Variants in ASH2L observed in about 807,000 individuals in gnomAD.
The protein encoded by ASH2L is ASH2 like, histone lysine methyltransferase complex subunit.
Under a neutral mutation model 81.1 loss-of-function variants are expected in ASH2L, and 30 were observed. The observed-to-expected ratio is 0.37, with a 90% confidence interval of 0.28 to 0.50. The LOEUF (loss-of-function observed/expected upper bound fraction) is 0.50, where lower values mean the gene tolerates loss of function less well. Ranked by LOEUF, ASH2L falls within the 20% of genes least tolerant of loss-of-function variation. ASH2L has a pLI of 0.95. For synonymous variants in ASH2L, 273 were observed against 279.9 expected (o/e 0.98, Z 0.24); for missense variants, 559 against 792.1 (o/e 0.71, Z 3.53).
Position 38,128,763 on chromosome 8 carries a change from C to T in ASH2L, c.1339C>T (p.Leu447Phe), listed in dbSNP as rs1480370548. 1 of 1,610,462 alleles carries T rather than the reference C, an allele frequency of 6.2e-7. No homozygotes were observed. The highest frequency in any genetic ancestry group is 8.5e-7 in the Non-Finnish European group (1 of 1,179,340). Residue 447 changes from leucine to phenylalanine, a missense_variant, in exon 12 of 16, where the codon CTT becomes TTT. By Grantham distance (22) the Leu-to-Phe change is conservative. This residue lies in a region of ASH2L where 318 missense variants were observed against 527.0 expected (regional missense o/e 0.60). Transcript: ENST00000343823. Reference sequence around the variant, plus strand: ...GTATGTTTTTATTGGGACAGGAAACCTTCAAGCTCCTTTAGGTTATGATAA... The same window carrying T: ...GTATGTTTTTATTGGGACAGGAAACTTTCAAGCTCCTTTAGGTTATGATAA... ...RLGWSQPLGN[L>F]QAPLGYDKFS...
intron 5 of ASH2L, among the ~76,000 whole-genome samples, chr8:38,113,504 A>C (rs1473929328): frequency 6.6e-6 from 1 of 152,112 alleles, no homozygotes; most frequent in Non-Finnish European, 1.5e-5. Context: ...AGATTATCTA[A>C]ATAGGAGGCC....
chr8:38,138,824 T>A lies in ASH2L; in HGVS notation c.1728T>A (p.Ile576=), dbSNP rs200401111. Residue 576 remains isoleucine, a synonymous_variant, in exon 15 of 16, where the codon ATT becomes ATA. Coordinates refer to ENST00000343823, the MANE Select transcript of ASH2L (RefSeq NM_004674.5). ...AATTGAATTCGCTCCAGGTTTCCAT[T>A]AACTTTGGACCATGCTTCAAGTATC... ...ISLYKSCTVS[I]NFGPCFKYPP... The A allele has an allele frequency of 1.5e-5, 24 of 1,613,996 alleles. No homozygotes were observed. The East Asian group carries it at 4.9e-4, about 33-fold the overall frequency.
Position 38,137,100 on chromosome 8 carries a change from A to G in ASH2L, c.1719+1334A>G, listed in dbSNP as rs1039193438. Among the ~76,000 whole-genome samples, 4 of 151,560 alleles carry G rather than the reference A, an allele frequency of 2.6e-5. No homozygotes were observed. The East Asian group carries it at 5.9e-4, about 22-fold the overall frequency. On this transcript the variant is annotated intron_variant, in intron 14 of 15. Transcript: ENST00000343823. Reference sequence around the variant, plus strand: ...AGAGTGAGACTCCGTCTCAAAAAAAAAAAAAGGGCGGGGGTGGCGCTGGGC... The same window carrying G: ...AGAGTGAGACTCCGTCTCAAAAAAAGAAAAAGGGCGGGGGTGGCGCTGGGC...
At position 38,121,136 on chromosome 8, in the gene ASH2L, C is replaced by A. The variant is rs772079019; in HGVS notation, c.1152C>A (p.Ala384=). The A allele has an allele frequency of 1.6e-5, 26 of 1,612,994 alleles. No individual in the cohort carries two copies. The South Asian group carries it at 2.7e-4, about 17-fold the overall frequency. The change falls in exon 10 of 16, where the codon GCC becomes GCA. Residue 384 remains alanine, a synonymous_variant. Coordinates refer to ENST00000343823, the MANE Select transcript of ASH2L (RefSeq NM_004674.5). ...RACLYERVLL[A]LHDRAPQLKI... is the part of the protein sequence containing the mutation. ...GCTTGTATGAACGGGTTTTGTTAGC[C>A]CTACATGATCGAGGTATGTAAAGTA...
intron 10 of ASH2L, among the ~76,000 whole-genome samples, chr8:38,121,493 T>C (rs1811151334): frequency 6.6e-6 from 1 of 151,728 alleles, no homozygotes; most frequent in Non-Finnish European, 1.5e-5. Context: ...AAAACCATAG[T>C]ACAGTTATCA....
chr8:38,131,647 AAAAT>A (rs879528190), intron 12 of ASH2L, among the ~76,000 whole-genome samples: 63 of 152,296 alleles, frequency 4.1e-4, no homozygotes, highest in Middle Eastern at 3.4e-3. Flanking sequence ...GACTGTCTCA[AAAAT>A]AAATAAATAA....
At chr8:38,135,788 A>G (rs780720788) in intron 14 of ASH2L, 22 bp downstream of exon 14, 6 of 1,557,678 alleles carry the variant, frequency 3.9e-6, no homozygotes, top group Non-Finnish European at 1.7e-6. Flanking sequence ...TTTCCATCCC[A>G]TGAGCAAAAC....
chr8:38,109,213 T>C (rs1021255691), intron 3 of ASH2L, among the ~76,000 whole-genome samples: 22 of 152,226 alleles, frequency 1.4e-4, no homozygotes, highest in African/African-American at 5.1e-4. Context: ...AAAATAACTA[T>C]TTACCTACCT....
intron 14 of ASH2L, chr8:38,138,013 C>T (rs1267854696): frequency 1.3e-5 from 2 of 152,136 alleles, no homozygotes; most frequent in African/African-American, 2.4e-5. Flanking sequence ...CGGAGTGGCT[C>T]ACGGCAGTAA....
intron 4 of ASH2L, 113 bp downstream of exon 4, chr8:38,110,580 G>T: frequency 8.3e-7 from 1 of 1,200,662 alleles, no homozygotes; most frequent in South Asian, 1.3e-5. Flanking sequence ...AATTCAGTTG[G>T]GGTTTAGCTC....
At chr8:38,136,375 G>GGT (rs1554501512) in intron 14 of ASH2L, among the ~76,000 whole-genome samples, 1 of 145,688 alleles carries the variant, frequency 6.9e-6, no homozygotes, top group East Asian at 2.0e-4. Context: ...CATCTGGCAA[G>GGT]TTTTTTTTTT....
At chr8:38,132,190 C>G (rs1019448555) in intron 12 of ASH2L, among the ~76,000 whole-genome samples, 1 of 152,110 alleles carries the variant, frequency 6.6e-6, no homozygotes. Flanking sequence ...TGCCTAGATT[C>G]TCTGGAAGGA....
Position 38,116,637 on chromosome 8 carries a change from T to A in ASH2L, c.778-13T>A. On this transcript the variant is annotated splice_polypyrimidine_tract_variant and intron_variant, in intron 7 of 15. Transcript: ENST00000343823. The stretch of plus-strand genomic sequence containing the variant: ...TACGTAGACTCCTTTTTTAATTGGA[T>A]GTATTTTTGCAGGACCTTAGTAACA... The A allele has an allele frequency of 6.2e-7, 1 of 1,605,060 alleles. No individual in the cohort carries two copies. Among genetic ancestry groups the A allele is most frequent in the Non-Finnish European group, 8.5e-7 (1 of 1,176,092 alleles).
intron 8 of ASH2L, chr8:38,117,578 G>T: frequency 1.6e-6 from 1 of 616,338 alleles, no homozygotes; most frequent in Non-Finnish European, 2.0e-6. Flanking sequence ...ATAATTTGAA[G>T]CATTATGAAA....
Position 38,138,983 on chromosome 8 carries a change from G to T in ASH2L, c.1799G>T (p.Gly600Val). ...TYRPMSDMGWGAVVEHTLADV... is the reference protein window; with the variant it reads ...TYRPMSDMGWVAVVEHTLADV... Reference sequence around the variant, plus strand: ...CTGCAGATGAGTGACATGGGCTGGGGCGCCGTGGTAGAGCACACCCTGGCT... The same window carrying T: ...CTGCAGATGAGTGACATGGGCTGGGTCGCCGTGGTAGAGCACACCCTGGCT... The change falls in exon 16 of 16, where the codon GGC (glycine) becomes GTC (valine). Residue 600 changes from glycine to valine, a missense_variant. Gly to Val is a moderately radical substitution (Grantham distance 109). Coordinates refer to ENST00000343823, the MANE Select transcript of ASH2L (RefSeq NM_004674.5). 6.2e-7 allele frequency: 1 copy of T among 1,613,956 alleles called. No individual in the cohort carries two copies. The highest frequency in any genetic ancestry group is 8.5e-7 in the Non-Finnish European group (1 of 1,179,886).
chr8:38,127,017 A>G (rs1488170317), intron 10 of ASH2L, among the ~76,000 whole-genome samples: 1 of 151,988 alleles, frequency 6.6e-6, no homozygotes, highest in Non-Finnish European at 1.5e-5. Flanking sequence ...TCTTCAAACA[A>G]TTAGCTGGAT....
intron 9 of ASH2L, 63 bp from the exon 10 acceptor site, chr8:38,120,869 A>G: frequency 2.2e-6 from 3 of 1,367,984 alleles, no homozygotes; most frequent in Non-Finnish European, 3.1e-6. Context: ...TTTCTTACAC[A>G]GTTGAATGCA....
chr8:38,116,900 G>T (rs1364895465), intron 8 of ASH2L, among the ~76,000 whole-genome samples, 175 bp downstream of exon 8: 5 of 152,220 alleles, frequency 3.3e-5, no homozygotes, highest in East Asian at 1.9e-4. Flanking sequence ...TAATAGAGGA[G>T]AACTTTTTGT....
chr8:38,113,487 CT>C lies in ASH2L; in HGVS notation c.586-701del, dbSNP rs966503277. 1.2e-4 allele frequency among the ~76,000 whole-genome samples: 19 copies of C among 152,132 alleles called. 1 individual carries two copies. Among genetic ancestry groups the C allele is most frequent in the Non-Finnish European group, 2.5e-4 (17 of 68,010 alleles). ...CATGGAGCTAACTCTGGTGGTGGTG[CT>C]TTTGAAGATTATCTAAATAGGAGGC... On this transcript the variant is annotated intron_variant, in intron 5 of 15. Transcript: ENST00000343823.
Sources: gnomAD v4.1 joint callset for allele counts (sites outside exome capture counted in the v4.1 genomes callset) on GRCh38, gnomAD v4.1.1 for gene constraint, gnomAD v4.1.1 regional missense constraint, MANE v1.5 for transcripts, NCBI Gene and HGNC (gene_info 2026-07-23, HGNC 2026-07-21) for gene names.